The following AJM1 variants were observed in gnomAD, a reference collection of about 807,000 sequenced individuals.
The protein encoded by AJM1 is apical junction component 1 homolog, also known as uncharacterized protein C9orf172.
AJM1 carries 22 observed loss-of-function variants against 43.0 expected under a neutral mutation model. That is an observed-to-expected ratio of 0.51 (90% CI 0.37 to 0.73). AJM1 has a LOEUF of 0.73. Ranked by LOEUF, AJM1 falls within the 30% of genes least tolerant of loss-of-function variation. The probability of loss-of-function intolerance (pLI) is 0.00; values close to 1 mark genes in which losing one functional copy is unlikely to be tolerated. For missense variants in AJM1, 1,305 were observed against 1,343.3 expected (o/e 0.97, Z 0.45); for synonymous variants, 719 against 638.3 (o/e 1.13, Z -1.91).
In AJM1 at chr9:136,847,559, C is replaced by G. The variant is rs546429162; in HGVS notation, c.*214C>G. On this transcript the variant is annotated 3_prime_UTR_variant, in exon 3 of 3. Transcript: ENST00000436881. Reference sequence around the variant, plus strand: ...CCCCCACCCCCCGGCCCTTCGTCCCCGTAGTGTTCCTCACAGGCCCTTCGC... The same window carrying G: ...CCCCCACCCCCCGGCCCTTCGTCCCGGTAGTGTTCCTCACAGGCCCTTCGC... 2.5e-5 allele frequency: 12 copies of G among 475,918 alleles called. No homozygotes were observed. In the East Asian group the frequency reaches 3.6e-4, roughly 14 times the overall value. 29.5% of individuals were successfully genotyped at this position (475,918 alleles called of 1,614,324 possible).
chr9:136,845,629 C>T lies in AJM1; in HGVS notation c.1215C>T (p.Gly405=), dbSNP rs751670859. Residue 405 remains glycine (G), a synonymous_variant, in exon 3 of 3, where the codon GGC becomes GGT. Transcript: ENST00000436881. The part of the protein sequence containing the change: ...PRSSPAWADW[G]PRPYRTLQVV... The stretch of plus-strand genomic sequence containing the variant: ...GCAGCCCGGCCTGGGCGGACTGGGG[C>T]CCGCGACCGTACCGCACCCTGCAAG... 1.9e-6 allele frequency: 3 copies of T among 1,577,860 alleles called. No homozygotes were observed. Among genetic ancestry groups the T allele is most frequent in the African/African-American group, 1.3e-5 (1 of 74,520 alleles).
rs765971426 is a variant in AJM1, at chr9:136,845,279, G to T, written c.865G>T (p.Gly289Cys). The change falls in exon 3 of 3, where the codon GGC (glycine) becomes TGC (cysteine). Residue 289 changes from glycine to cysteine, a missense_variant. Around this residue, in one of 6 missense-constraint regions of AJM1, gnomAD observed 653 missense variants for 549.1 expected, o/e 1.19. Transcript: ENST00000436881. ...GTTCTTCTATACAGAGGAGCCCCAA[G>T]GCTTCCGGGGCAGCTTTGCAGCCAG... is the stretch of plus-strand genomic sequence containing the variant. ...TQFFYTEEPQ[G>C]FRGSFAASPG... 18 of 1,609,528 alleles carry T rather than the reference G, an allele frequency of 1.1e-5. No individual in the cohort carries two copies. The highest frequency in any genetic ancestry group is 1.5e-5 in the Non-Finnish European group (18 of 1,179,624).
At position 136,847,153 on chromosome 9, in the gene AJM1, G is replaced by T; in HGVS notation, c.2739G>T (p.Leu913=). The T allele has an allele frequency of 6.3e-7, 1 of 1,599,826 alleles. No homozygotes were observed. Among genetic ancestry groups the T allele is most frequent in the Non-Finnish European group, 8.5e-7 (1 of 1,178,294 alleles). The stretch of plus-strand genomic sequence containing the variant: ...AGCTGCGGCTGCGCGGCGTCTTCCT[G>T]CGCCACGAGTTCCCGCGCGTCTACG... The part of the protein sequence containing the change: ...QRELRLRGVF[L]RHEFPRVYEQ... The change falls in exon 3 of 3, where the codon CTG becomes CTT. Residue 913 remains leucine (L), a synonymous_variant. Coordinates refer to ENST00000436881, the MANE Select transcript of AJM1 (RefSeq NM_001080482.5).
At position 136,847,199 on chromosome 9, in the gene AJM1, G is replaced by A. The variant is rs777526568; in HGVS notation, c.2785G>A (p.Glu929Lys). ...RVYEQLCEFV[E>K]ANRRFTPTTI... is the part of the protein sequence containing the mutation. ...CTACGAGCAGCTTTGCGAGTTCGTC[G>A]AGGCCAACAGGCGCTTCACGCCCAC... Residue 929 changes from glutamate to lysine, a missense_variant, in exon 3 of 3, where the codon GAG (glutamate) becomes AAG (lysine). Transcript: ENST00000436881. The A allele has an allele frequency of 1.2e-6, 2 of 1,605,640 alleles. No homozygotes were observed. Among genetic ancestry groups the A allele is most frequent in the Non-Finnish European group, 1.7e-6 (2 of 1,178,894 alleles).
Position 136,846,742 on chromosome 9 carries a change from C to G in AJM1, c.2328C>G (p.Ser776=). The change falls in exon 3 of 3, where the codon TCC becomes TCG. Residue 776 remains serine (S), a synonymous_variant. Transcript: ENST00000436881. The part of the protein sequence containing the change: ...LRFGLEGLLL[S]PTYLSLRELA... ...TTGGCCTGGAGGGGCTGCTGCTATC[C>G]CCCACCTACCTATCGCTGCGTGAGC... is the stretch of plus-strand genomic sequence containing the variant. 6.2e-7 allele frequency: 1 copy of G among 1,601,544 alleles called. No individual in the cohort carries two copies. The highest frequency in any genetic ancestry group is 8.5e-7 in the Non-Finnish European group (1 of 1,177,550).
Position 136,846,248 on chromosome 9 carries a change from C to G in AJM1, c.1834C>G (p.Arg612Gly), listed in dbSNP as rs1487086965. 1.5e-5 allele frequency: 22 copies of G among 1,425,100 alleles called. No homozygotes were observed. Among genetic ancestry groups the G allele is most frequent in the Non-Finnish European group, 2.0e-5 (22 of 1,088,864 alleles). 88.3% of individuals were successfully genotyped at this position (1,425,100 alleles called of 1,614,324 possible). ...CGACTGCCTGGGCCCCCAACTGCGCCGACTGCTGGACTCGCGGCCCGCGGG... is the reference window on the plus strand; with the variant it reads ...CGACTGCCTGGGCCCCCAACTGCGCGGACTGCTGGACTCGCGGCCCGCGGG... ...AADCLGPQLR[R>G]LLDSRPAGSG... Residue 612 changes from arginine to glycine, a missense_variant, in exon 3 of 3, where the codon CGA becomes GGA. Arg to Gly is a moderately radical substitution (Grantham distance 125). Around this residue, in one of 6 missense-constraint regions of AJM1, gnomAD observed 391 missense variants for 507.5 expected, o/e 0.77. Transcript: ENST00000436881.
At position 136,845,159 on chromosome 9, in the gene AJM1, C is replaced by T. The variant is rs759617108; in HGVS notation, c.745C>T (p.Pro249Ser). Residue 249 changes from proline to serine, a missense_variant, in exon 3 of 3, where the codon CCC (proline) becomes TCC (serine). Physicochemically the swap from Pro to Ser is moderately conservative, Grantham distance 74 (BLOSUM62 -1). This residue lies in a region of AJM1 where 653 missense variants were observed against 549.1 expected (regional missense o/e 1.19). Coordinates refer to ENST00000436881, the MANE Select transcript of AJM1 (RefSeq NM_001080482.5). The stretch of plus-strand genomic sequence containing the variant: ...GCCCAGCGACTCATACTGTGCGGAT[C>T]CCCGGGCGTTCTACTGCGACGGGCC... ...PTPSDSYCAD[P>S]RAFYCDGPLP... 41 of 1,584,496 alleles carry T rather than the reference C, an allele frequency of 2.6e-5. No individual in the cohort carries two copies. Among genetic ancestry groups the T allele is most frequent in the Non-Finnish European group, 3.4e-5 (40 of 1,172,362 alleles).
At position 136,846,454 on chromosome 9, in the gene AJM1, C is replaced by T. The variant is rs1470510649; in HGVS notation, c.2040C>T (p.Cys680=). 2.5e-6 allele frequency: 4 copies of T among 1,594,046 alleles called. No individual in the cohort carries two copies. The highest frequency in any genetic ancestry group is 2.3e-4 in the Middle Eastern group (1 of 4,426). The stretch of plus-strand genomic sequence containing the variant: ...GCACCGAGACCATGTTCAACGCCTG[C>T]CTCTACTTCAAGTCCTGCCACAGCT... The part of the protein sequence containing the change: ...CRRTETMFNA[C]LYFKSCHSCY... The change falls in exon 3 of 3, where the codon TGC becomes TGT. Residue 680 remains cysteine (C), a synonymous_variant. Coordinates refer to ENST00000436881, the MANE Select transcript of AJM1 (RefSeq NM_001080482.5).
Position 136,845,250 on chromosome 9 carries a change from C to T in AJM1, c.836C>T (p.Thr279Ile). 1.9e-6 allele frequency: 3 copies of T among 1,603,364 alleles called. No homozygotes were observed. The highest frequency in any genetic ancestry group is 2.5e-6 in the Non-Finnish European group (3 of 1,178,780). ...CCCTTCACCACCCCGCCGGGCCCCA[C>T]CCAGTTCTTCTATACAGAGGAGCCC... is the stretch of plus-strand genomic sequence containing the variant. The part of the protein sequence containing the change: ...SLPFTTPPGP[T>I]QFFYTEEPQG... The change falls in exon 3 of 3, where the codon ACC (threonine) becomes ATC (isoleucine). Residue 279 changes from threonine (T) to isoleucine (I), a missense_variant. This residue lies in a region of AJM1 where 653 missense variants were observed against 549.1 expected (regional missense o/e 1.19). Coordinates refer to ENST00000436881, the MANE Select transcript of AJM1 (RefSeq NM_001080482.5).
chr9:136,846,061 G>C lies in AJM1; in HGVS notation c.1647G>C (p.Arg549Ser). The change falls in exon 3 of 3, where the codon AGG becomes AGC. Residue 549 changes from arginine (R) to serine (S), a missense_variant. Coordinates refer to ENST00000436881, the MANE Select transcript of AJM1 (RefSeq NM_001080482.5). ...DLRATERPSA[R>S]AWELPGGRTR... is the part of the protein sequence containing the mutation. The stretch of plus-strand genomic sequence containing the variant: ...GCGCCACCGAGCGCCCGAGCGCCAG[G>C]GCCTGGGAGTTGCCCGGGGGCCGCA... 1 of 1,537,920 alleles carries C rather than the reference G, an allele frequency of 6.5e-7. No individual in the cohort carries two copies. Among genetic ancestry groups the C allele is most frequent in the Non-Finnish European group, 8.7e-7 (1 of 1,144,196 alleles).
At position 136,846,721 on chromosome 9, in the gene AJM1, C is replaced by A. The variant is rs768386964; in HGVS notation, c.2307C>A (p.Gly769=). 1.2e-6 allele frequency: 2 copies of A among 1,603,742 alleles called. No homozygotes were observed. Among genetic ancestry groups the A allele is most frequent in the Non-Finnish European group, 1.7e-6 (2 of 1,178,376 alleles). Residue 769 remains glycine, a synonymous_variant, in exon 3 of 3, where the codon GGC becomes GGA. Transcript: ENST00000436881. ...CGGCCGACAACTTCCTGCGCTTTGG[C>A]CTGGAGGGGCTGCTGCTATCCCCCA... ...PGSADNFLRF[G]LEGLLLSPTY... is the part of the protein sequence containing the mutation.
At position 136,846,365 on chromosome 9, in the gene AJM1, G is replaced by T. The variant is rs745964935; in HGVS notation, c.1951G>T (p.Ala651Ser). 9 of 1,433,996 alleles carry T rather than the reference G, an allele frequency of 6.3e-6. No individual in the cohort carries two copies. The highest frequency in any genetic ancestry group is 8.2e-6 in the Non-Finnish European group (9 of 1,092,212). The allele number at this position is 1,433,996 out of a possible 1,614,324, so 88.8% of individuals were successfully genotyped here. A position where few individuals can be genotyped will look rare whatever the true frequency, so the allele number is the denominator to read the frequency against. Residue 651 changes from alanine to serine, a missense_variant, in exon 3 of 3, where the codon GCG (alanine) becomes TCG (serine). By Grantham distance (99) the Ala-to-Ser change is moderately conservative. Around this residue, in one of 6 missense-constraint regions of AJM1, gnomAD observed 391 missense variants for 507.5 expected, o/e 0.77. Coordinates refer to ENST00000436881, the MANE Select transcript of AJM1 (RefSeq NM_001080482.5). ...CGCGGCCCCGGGAGAGGCGGCCGAC[G>T]CGTCCCCCGAACCCAGCGCCGACGA... ...EPAAPGEAAD[A>S]SPEPSADEDD...
Position 136,845,327 on chromosome 9 carries a change from T to C in AJM1, c.913T>C (p.Tyr305His). The stretch of plus-strand genomic sequence containing the variant: ...CAGTCCCGGCCCAACCTTCGACGCC[T>C]ACTACCCCAGGCCCTATCCGTCCGA... ...AASPGPTFDA[Y>H]YPRPYPSEEL... is the part of the protein sequence containing the mutation. The change falls in exon 3 of 3, where the codon TAC becomes CAC. Residue 305 changes from tyrosine (Y) to histidine (H), a missense_variant. Transcript: ENST00000436881. 1 of 1,612,202 alleles carries C rather than the reference T, an allele frequency of 6.2e-7. No homozygotes were observed. The highest frequency in any genetic ancestry group is 8.5e-7 in the Non-Finnish European group (1 of 1,179,802).
Position 136,847,396 on chromosome 9 carries a change from G to A in AJM1, c.*51G>A, listed in dbSNP as rs1848794063. 3 of 1,353,830 alleles carry A rather than the reference G, an allele frequency of 2.2e-6. No homozygotes were observed. The highest frequency in any genetic ancestry group is 2.9e-6 in the Non-Finnish European group (3 of 1,042,352). 83.9% of individuals were successfully genotyped at this position (1,353,830 alleles called of 1,614,324 possible). ...CAGGCGCTGGCCCGAACCCTGCCCT[G>A]CCCACTCAGGCCCCGCCCGGCCCAC... On this transcript the variant is annotated 3_prime_UTR_variant, in exon 3 of 3. Transcript: ENST00000436881.
In AJM1 at chr9:136,846,223, C is replaced by T. The variant is rs1221642424; in HGVS notation, c.1809C>T (p.Ala603=). 15 of 1,485,922 alleles carry T rather than the reference C, an allele frequency of 1.0e-5. No individual in the cohort carries two copies. The East Asian group carries it at 4.2e-4, about 42-fold the overall frequency. The allele number at this position is 1,485,922 out of a possible 1,614,324, so 92.0% of individuals were successfully genotyped here. A position where few individuals can be genotyped will look rare whatever the true frequency, so the allele number is the denominator to read the frequency against. ...PTAGQASEPA[A]DCLGPQLRRL... Reference sequence around the variant, plus strand: ...CCGGCCAGGCCTCAGAGCCCGCGGCCGACTGCCTGGGCCCCCAACTGCGCC... The same window carrying T: ...CCGGCCAGGCCTCAGAGCCCGCGGCTGACTGCCTGGGCCCCCAACTGCGCC... Residue 603 remains alanine (A), a synonymous_variant, in exon 3 of 3, where the codon GCC becomes GCT. Coordinates refer to ENST00000436881, the MANE Select transcript of AJM1 (RefSeq NM_001080482.5).
Position 136,842,505 on chromosome 9 carries a change from C to G in AJM1, c.-228C>G, listed in dbSNP as rs549733645. Among the ~76,000 whole-genome samples the G allele has an allele frequency of 2.9e-4, 44 of 152,340 alleles. 1 individual carries two copies. In the South Asian group the frequency reaches 3.5e-3, roughly 12 times the overall value. On this transcript the variant is annotated 5_prime_UTR_variant, in exon 1 of 3. Coordinates refer to ENST00000436881, the MANE Select transcript of AJM1 (RefSeq NM_001080482.5). The stretch of plus-strand genomic sequence containing the variant: ...TGCTGCCTGGAAGCTTCTGCCCGTG[C>G]CGGGGACGCAGCAGTGCCGGGGACA...
rs1400113278 is a variant in AJM1, at chr9:136,845,443, C to T, written c.1029C>T (p.Ser343=). 1 of 1,611,576 alleles carries T rather than the reference C, an allele frequency of 6.2e-7. No individual in the cohort carries two copies. The highest frequency in any genetic ancestry group is 8.5e-7 in the Non-Finnish European group (1 of 1,179,556). The change falls in exon 3 of 3, where the codon TCC becomes TCT. Residue 343 remains serine, a synonymous_variant. Transcript: ENST00000436881. ...CAATCCAGGAACCGCCCTCCCGCTC[C>T]TACTATGGGGAGGCTCCACGAGCCT... is the stretch of plus-strand genomic sequence containing the variant. ...TFPIQEPPSR[S]YYGEAPRAYG... is the part of the protein sequence containing the mutation.
chr9:136,846,232 G>A lies in AJM1; in HGVS notation c.1818G>A (p.Leu606=). Reference sequence around the variant, plus strand: ...CCTCAGAGCCCGCGGCCGACTGCCTGGGCCCCCAACTGCGCCGACTGCTGG... The same window carrying A: ...CCTCAGAGCCCGCGGCCGACTGCCTAGGCCCCCAACTGCGCCGACTGCTGG... ...GQASEPAADC[L]GPQLRRLLDS... Residue 606 remains leucine, a synonymous_variant, in exon 3 of 3, where the codon CTG becomes CTA. Coordinates refer to ENST00000436881, the MANE Select transcript of AJM1 (RefSeq NM_001080482.5). 6.8e-7 allele frequency: 1 copy of A among 1,477,594 alleles called. No homozygotes were observed. The allele number at this position is 1,477,594 out of a possible 1,614,324, so 91.5% of individuals were successfully genotyped here. A position where few individuals can be genotyped will look rare whatever the true frequency, so the allele number is the denominator to read the frequency against.
chr9:136,845,323 C>T lies in AJM1; in HGVS notation c.909C>T (p.Asp303=), dbSNP rs1348037612. The T allele has an allele frequency of 3.1e-6, 5 of 1,612,092 alleles. No homozygotes were observed. The highest frequency in any genetic ancestry group is 3.4e-6 in the Non-Finnish European group (4 of 1,179,822). Residue 303 remains aspartate (D), a synonymous_variant, in exon 3 of 3, where the codon GAC becomes GAT. Transcript: ENST00000436881. The part of the protein sequence containing the change: ...SFAASPGPTF[D]AYYPRPYPSE... Reference sequence around the variant, plus strand: ...CAGCCAGTCCCGGCCCAACCTTCGACGCCTACTACCCCAGGCCCTATCCGT... The same window carrying T: ...CAGCCAGTCCCGGCCCAACCTTCGATGCCTACTACCCCAGGCCCTATCCGT...
Sources: gnomAD v4.1 joint callset for allele counts (sites outside exome capture counted in the v4.1 genomes callset) on GRCh38, gnomAD v4.1.1 for gene constraint, gnomAD v4.1.1 regional missense constraint, MANE v1.5 for transcripts, NCBI Gene and HGNC (gene_info 2026-07-23, HGNC 2026-07-21) for gene names.